GGT1: variants seen among roughly 807,000 people sequenced by gnomAD.
GGT1 encodes gamma-glutamyltransferase 1, also known as glutathione hydrolase 1 proenzyme.
In GGT1, 21 loss-of-function variants were observed where a neutral mutation model predicts 56.0. The ratio of observed to expected loss-of-function variants is 0.38; its 90% confidence interval spans 0.27 to 0.54. The LOEUF (loss-of-function observed/expected upper bound fraction) is 0.54. Ranked by LOEUF, GGT1 falls within the 20% of genes least tolerant of loss-of-function variation. The pLI is 0.82. For synonymous variants in GGT1, 238 were observed against 342.6 expected, an observed-to-expected ratio of 0.69 and a Z score of 3.37; for missense variants, 466 against 787.0, an observed-to-expected ratio of 0.59 and a Z score of 4.88.
chr22:24,586,191 G>A, the GGT1 span: 1 of 1,613,836 alleles, frequency 6.2e-7, no homozygotes. Flanking sequence ...TTGCCGTTGA[G>A]CAGGAGCTGG....
chr22:24,605,827 TGATGTGTATTATATATTATATAA>T lies in GGT1; in HGVS notation c.-428-2126_-428-2104del, dbSNP rs1385838800. On this transcript the variant is annotated intron_variant, in intron 1 of 15. Transcript: ENST00000400382. ...TGTGTATTATATATTATATATTATA[TGATGTGTATTATATATTATATAA>T]TATATGATGTGTATTATATATTATA... is the stretch of plus-strand genomic sequence containing the variant. Among the ~76,000 whole-genome samples the T allele has an allele frequency of 7.9e-5, 6 of 76,126 alleles. 1 individual carries two copies. The highest frequency in any genetic ancestry group is 4.2e-4 in the African/African-American group (6 of 14,398). 49.9% of individuals were successfully genotyped at this position (76,126 alleles called of 152,430 possible).
intron 2 of GGT1, chr22:24,609,411 G>A (rs1460911273): frequency 1.3e-5 from 2 of 154,178 alleles, no homozygotes; most frequent in Admixed American, 1.3e-4. Context: ...TGCTCTTAGT[G>A]TCTGCATCCA....
At chr22:24,593,937 T>C (rs1199500837), upstream of GGT1, among the ~76,000 whole-genome samples, 3 of 152,338 alleles carry the variant, frequency 2.0e-5, no homozygotes, top group South Asian at 6.2e-4. Flanking sequence ...GACCCCAGCC[T>C]GGGAAATAAA....
rs777761338 is a variant in GGT1, at chr22:24,620,982, CACCT to C, written c.648_651del (p.Tyr217ArgfsTer21). The C allele has an allele frequency of 2.5e-6, 4 of 1,611,822 alleles. No homozygotes were observed. Among genetic ancestry groups the C allele is most frequent in the Non-Finnish European group, 3.4e-6 (4 of 1,179,836 alleles). On this transcript the variant is annotated frameshift_variant, in exon 9 of 16. Transcript: ENST00000400382. LOFTEE classifies it high-confidence loss of function. This position sits in a 1 kb window ranked among gnomAD's most constrained non-coding sequence, Gnocchi z 5.6. ...GACTGACCCTGCCGCAGCTGGCTGA[CACCT>C]ACGAGACGCTGGCCATCGAGGGTGC... is the stretch of plus-strand genomic sequence containing the variant.
At chr22:24,623,316 G>T in intron 10 of GGT1, 60 bp downstream of exon 10, 4 of 1,433,266 alleles carry the variant, frequency 2.8e-6, no homozygotes, top group South Asian at 1.2e-5. Context: ...CTCTCCCCAC[G>T]CCCCACCCCT....
chr22:24,586,010 G>A, the GGT1 span: 1 of 1,611,020 alleles, frequency 6.2e-7, no homozygotes, highest in Non-Finnish European at 8.5e-7. Context: ...CTCGTAGATG[G>A]TGGGGAGTGA....
At chr22:24,587,097 C>T in the GGT1 span, among the ~76,000 whole-genome samples, 5 of 152,242 alleles carry the variant, frequency 3.3e-5, no homozygotes, top group South Asian at 2.1e-4. Flanking sequence ...AACTGAGATG[C>T]TCTGACTCTT....
chr22:24,608,325 A>C (rs891079273), intron 2 of GGT1, among the ~76,000 whole-genome samples: 20 of 151,698 alleles, frequency 1.3e-4, no homozygotes, highest in Admixed American at 3.3e-4. Flanking sequence ...AGCACTGCCT[A>C]CTCCCCTCCC....
rs755050815 is a variant in GGT1 at position 24,620,902 on chromosome 22, CT to C, written c.576-10del. ...CCACCTGCTGCCTCACATGAGCCCC[CT>C]CTGCCCCAGTGAGGTGTTCTGCCGG... On this transcript the variant is annotated splice_polypyrimidine_tract_variant and intron_variant, in intron 8 of 15. Transcript: ENST00000400382. This position sits in a 1 kb window ranked among gnomAD's most constrained non-coding sequence, Gnocchi z 5.6. The C allele has an allele frequency of 6.2e-7, 1 of 1,611,652 alleles. No homozygotes were observed. The highest frequency in any genetic ancestry group is 1.7e-5 in the Admixed American group (1 of 59,974).
chr22:24,588,951 T>C, the GGT1 span: 1 of 1,005,064 alleles, frequency 9.9e-7, no homozygotes, highest in Non-Finnish European at 1.2e-6. Context: ...AAGCTGGCAC[T>C]GAGCATGCTC....
In GGT1 at chr22:24,611,173, A is replaced by G. The variant is rs1264205064; in HGVS notation, c.92A>G (p.Lys31Arg). The change falls in exon 5 of 16, where the codon AAG becomes AGG. Residue 31 changes from lysine to arginine, a missense_variant. By Grantham distance (26) the Lys-to-Arg change is conservative. Transcript: ENST00000400382. ...GLCLWLPSAS[K>R]EPDNHVYTRA... ...TGTCTCTGGCTGCCCTCAGCCTCCA[A>G]GGAACCTGACAACCATGTGTACACC... The G allele has an allele frequency of 6.3e-7, 1 of 1,595,266 alleles. No homozygotes were observed. Among genetic ancestry groups the G allele is most frequent in the Non-Finnish European group, 8.5e-7 (1 of 1,171,312 alleles).
In GGT1 at chr22:24,628,215, C is replaced by T. The variant is rs2047912607; in HGVS notation, c.1449+22C>T. The T allele has an allele frequency of 6.2e-7, 1 of 1,612,036 alleles. No homozygotes were observed. Among genetic ancestry groups the T allele is most frequent in the East Asian group, 2.2e-5 (1 of 44,886 alleles). On this transcript the variant is annotated intron_variant, in intron 14 of 15. Transcript: ENST00000400382. This position sits in a 1 kb window ranked among gnomAD's most constrained non-coding sequence, Gnocchi z 5.7. The stretch of plus-strand genomic sequence containing the variant: ...ACTGGTATGTGTCACACCTTTTCTC[C>T]CTGGCCGTGCCCACCCTGCACAGCC...
In GGT1 at chr22:24,605,035, TAAA is replaced by T. The variant is rs1320097453; in HGVS notation, c.-429+1510_-429+1512del. ...GAATCCTGTATGTCATATATATATA[TAAA>T]ATATGTAATATATTATATATTATAT... On this transcript the variant is annotated intron_variant, in intron 1 of 15. Coordinates refer to ENST00000400382, the MANE Select transcript of GGT1 (RefSeq NM_001288833.2). Among the ~76,000 whole-genome samples the T allele has an allele frequency of 2.5e-4, 21 of 85,430 alleles. 4 individuals are homozygous for T. Among genetic ancestry groups the T allele is most frequent in the African/African-American group, 3.1e-4 (5 of 15,910 alleles). The allele number at this position is 85,430 out of a possible 152,430, so 56.0% of individuals were successfully genotyped here. A position where few individuals can be genotyped will look rare whatever the true frequency, so the allele number is the denominator to read the frequency against.
At chr22:24,627,694 A>G (rs996945366) in intron 12 of GGT1, 75 bp downstream of exon 12, 2 of 1,560,802 alleles carry the variant, frequency 1.3e-6, no homozygotes, top group African/African-American at 2.7e-5. Context: ...TTATCCAGTA[A>G]GGTGGCTCCG....
the GGT1 span, among the ~76,000 whole-genome samples, chr22:24,587,296 C>A: frequency 6.6e-6 from 1 of 152,086 alleles, no homozygotes; most frequent in Non-Finnish European, 1.5e-5. Context: ...GAGGGCTCCC[C>A]GTGTTTTCTC....
At chr22:24,605,114 T>A (rs181897550) in intron 1 of GGT1, among the ~76,000 whole-genome samples, 296 of 7,848 alleles carry the variant, frequency 0.038, 10 homozygotes, top group East Asian at 0.077. Flanking sequence ...ATATTATATA[T>A]TATATAATAT....
intron 7 of GGT1, 140 bp downstream of exon 7, chr22:24,615,267 C>T (rs2046986606): frequency 1.6e-6 from 1 of 635,300 alleles, no homozygotes; most frequent in East Asian, 2.7e-5. Context: ...CCCATAGCAC[C>T]CTCCCACAAT....
chr22:24,610,075 T>G (rs1422305936), intron 3 of GGT1, 42 bp downstream of exon 3: 23 of 457,274 alleles, frequency 5.0e-5, no homozygotes, highest in Middle Eastern at 7.4e-4. Flanking sequence ...AGGCTGGCGG[T>G]GCCCCCTGAG....
rs561938248 is a variant in GGT1 at position 24,625,035 on chromosome 22, A to G, written c.1020+1119A>G. On this transcript the variant is annotated intron_variant, in intron 11 of 15. Transcript: ENST00000400382. ...AAACCCCAAAACTGCCCAAGCATCA[A>G]TGCTCCCTTTTCCTGGAGTCTGCAG... Among the ~76,000 whole-genome samples the G allele has an allele frequency of 3.6e-4, 55 of 152,270 alleles. No individual in the cohort carries two copies. In the South Asian group the frequency reaches 1.0e-2, roughly 28 times the overall value.
Sources: allele counts gnomAD v4.1 joint callset (sites outside exome capture counted in the v4.1 genomes callset), GRCh38; gene constraint gnomAD v4.1.1; non-coding constraint Gnocchi (gnomAD v3.1); transcripts MANE v1.5; gene names NCBI Gene and HGNC (gene_info 2026-07-23, HGNC 2026-07-21).